CEP128: variants seen among roughly 807,000 people sequenced by gnomAD.
CEP128 encodes centrosomal protein 128, also known as centrosomal protein 128kDa.
CEP128 carries 132 observed loss-of-function variants against 156.7 expected under a neutral mutation model. That is an observed-to-expected ratio of 0.84 (90% CI 0.73 to 0.97). The LOEUF (loss-of-function observed/expected upper bound fraction) is 0.97. Among genes scored for constraint, CEP128 ranks in the 50% least tolerant of loss-of-function variants. The pLI, the probability that CEP128 is intolerant of heterozygous loss-of-function variation, is 0.00. For synonymous variants in CEP128, 469 were observed against 448.9 expected, an observed-to-expected ratio of 1.04 and a Z score of -0.57; for missense variants, 1,252 against 1,281.9, an observed-to-expected ratio of 0.98 and a Z score of 0.36.
chr14:80,873,532 T>G (rs1292773385), intron 8 of CEP128, among the ~76,000 whole-genome samples: 1 of 152,190 alleles, frequency 6.6e-6, no homozygotes, highest in Non-Finnish European at 1.5e-5. Context: ...AACCCCAAAT[T>G]GAAACCATCC....
At chr14:80,639,152 T>C (rs1218065958) in intron 19 of CEP128, among the ~76,000 whole-genome samples, 1 of 152,188 alleles carries the variant, frequency 6.6e-6, no homozygotes, top group Non-Finnish European at 1.5e-5. Flanking sequence ...TTCTTTATTC[T>C]ATTTCCACAA....
intron 19 of CEP128, among the ~76,000 whole-genome samples, chr14:80,717,043 C>T (rs1897633102): frequency 6.6e-6 from 1 of 152,062 alleles, no homozygotes; most frequent in Non-Finnish European, 1.5e-5. Context: ...TCTATTCAGA[C>T]CTTTATCCAT....
chr14:80,590,688 T>C (rs753521678), intron 19 of CEP128, among the ~76,000 whole-genome samples: 1 of 152,068 alleles, frequency 6.6e-6, no homozygotes, highest in Non-Finnish European at 1.5e-5. Context: ...TACAGGTACA[T>C]ACAATAGATA....
chr14:80,828,753 A>G (rs1455951627), intron 13 of CEP128, among the ~76,000 whole-genome samples: 1 of 152,172 alleles, frequency 6.6e-6, no homozygotes, highest in Non-Finnish European at 1.5e-5. Context: ...CAGAAAGTGA[A>G]GGTTAAAAAG....
At chr14:80,542,339 G>A (rs538730566) in intron 21 of CEP128, among the ~76,000 whole-genome samples, 148 of 152,134 alleles carry the variant, frequency 9.7e-4, no homozygotes, top group African/African-American at 3.4e-3. Flanking sequence ...CATACATAAA[G>A]ATACATTTAG....
intron 19 of CEP128, among the ~76,000 whole-genome samples, chr14:80,626,421 G>A (rs1007514887): frequency 1.7e-4 from 23 of 137,478 alleles, no homozygotes; most frequent in Non-Finnish European, 2.4e-4. Context: ...CCGAGATTGC[G>A]CCACTGCAGT....
At chr14:80,858,754 T>C (rs1233675315) in intron 9 of CEP128, among the ~76,000 whole-genome samples, 2,442 of 148,160 alleles carry the variant, frequency 0.016, 71 homozygotes, top group African/African-American at 0.058. Flanking sequence ...ACAGACACTT[T>C]TCAAAAGAAG....
Position 80,526,944 on chromosome 14 carries a change from A to G in CEP128, c.2997T>C (p.Tyr999=). 2.5e-6 allele frequency: 4 copies of G among 1,607,820 alleles called. No individual in the cohort carries two copies. In the South Asian group the frequency reaches 3.3e-5, roughly 13 times the overall value. ...AATTTCTGCGAACCCTGTATTTGGAATATCTTCCATCAGTTCTCTCAGATG... is the reference window on the plus strand; with the variant it reads ...AATTTCTGCGAACCCTGTATTTGGAGTATCTTCCATCAGTTCTCTCAGATG... ...CSSSERTDGR[Y]SKYRVRRNSL... Residue 999 remains tyrosine (Y), a synonymous_variant, in exon 23 of 25, where the codon TAT becomes TAC. Coordinates refer to ENST00000555265, the MANE Select transcript of CEP128 (RefSeq NM_152446.5).
chr14:80,946,756 A>C (rs937049059), intron 2 of CEP128, among the ~76,000 whole-genome samples: 3 of 152,176 alleles, frequency 2.0e-5, no homozygotes, highest in Non-Finnish European at 4.4e-5. Context: ...TTTCACCAAT[A>C]ACTTCCAAAT....
chr14:80,536,193 G>A (rs1889475184), intron 21 of CEP128, among the ~76,000 whole-genome samples: 1 of 152,130 alleles, frequency 6.6e-6, no homozygotes, highest in East Asian at 1.9e-4. Flanking sequence ...AGGGGGGAAT[G>A]CATTGCAATT....
intron 24 of CEP128, among the ~76,000 whole-genome samples, chr14:80,500,259 G>A (rs1056942789): frequency 1.3e-5 from 2 of 152,224 alleles, no homozygotes; most frequent in Admixed American, 6.5e-5. Flanking sequence ...GTTTGACAGG[G>A]CATCTAAGTC....
chr14:80,763,170 T>C (rs973673319), intron 16 of CEP128, among the ~76,000 whole-genome samples: 5 of 152,150 alleles, frequency 3.3e-5, no homozygotes, highest in African/African-American at 4.8e-5. Context: ...TCAAATGGCA[T>C]CCGGCTAATG....
intron 19 of CEP128, among the ~76,000 whole-genome samples, chr14:80,699,319 T>C (rs1463992469): frequency 6.6e-6 from 1 of 152,102 alleles, no homozygotes; most frequent in Non-Finnish European, 1.5e-5. Flanking sequence ...AAAAACAGTG[T>C]CTCCCATTAC....
chr14:80,564,269 A>G (rs1890818253), intron 20 of CEP128, among the ~76,000 whole-genome samples: 1 of 152,230 alleles, frequency 6.6e-6, no homozygotes, highest in Non-Finnish European at 1.5e-5. Flanking sequence ...CACTGCATAG[A>G]TATTGGATTA....
At chr14:80,483,185 C>T (rs1400190750) in intron 14 of CEP128, among the ~76,000 whole-genome samples, 1 of 152,184 alleles carries the variant, frequency 6.6e-6, no homozygotes, top group African/African-American at 2.4e-5. Context: ...TTTAAGGGAG[C>T]AACATTACAA....
chr14:80,721,029 CCCTA>C (rs1202578869), intron 19 of CEP128, among the ~76,000 whole-genome samples: 1 of 152,040 alleles, frequency 6.6e-6, no homozygotes, highest in South Asian at 2.1e-4. Flanking sequence ...TCGTGTTATT[CCCTA>C]CCTTTTTAAA....
intron 24 of CEP128, among the ~76,000 whole-genome samples, chr14:80,502,104 TG>T (rs1227231385): frequency 6.6e-6 from 1 of 152,142 alleles, no homozygotes; most frequent in African/African-American, 2.4e-5. Flanking sequence ...ACACTGCCTA[TG>T]GGGTAGGCCT....
chr14:80,831,995 T>C (rs1449205582), intron 12 of CEP128, among the ~76,000 whole-genome samples: 1 of 152,168 alleles, frequency 6.6e-6, no homozygotes, highest in Non-Finnish European at 1.5e-5. Context: ...AGGGACCAAG[T>C]GGGAGGTAAT....
At chr14:80,832,711 A>G (rs546795126) in intron 12 of CEP128, among the ~76,000 whole-genome samples, 7 of 152,312 alleles carry the variant, frequency 4.6e-5, no homozygotes, top group African/African-American at 1.4e-4. Context: ...TTTTAGGGAA[A>G]GCACATACCA....
Sources: allele counts gnomAD v4.1 joint callset (sites outside exome capture counted in the v4.1 genomes callset), GRCh38; gene constraint gnomAD v4.1.1; transcripts MANE v1.5; gene names NCBI Gene and HGNC (gene_info 2026-07-23, HGNC 2026-07-21).